The following STXBP5 variants were observed in gnomAD, a reference collection of about 807,000 sequenced individuals.
STXBP5 encodes the protein syntaxin-binding protein 5.
Under a neutral mutation model 152.4 loss-of-function variants are expected in STXBP5, and 50 were observed. The ratio of observed to expected loss-of-function variants is 0.33; its 90% CI spans 0.26 to 0.42. The LOEUF is 0.42. Ranked by LOEUF, STXBP5 falls within the 10% of genes least tolerant of loss-of-function variation. STXBP5 has a pLI of 1.00. For synonymous variants in STXBP5, 492 were observed against 494.7 expected, an observed-to-expected ratio of 0.99 and a Z score of 0.07; for missense variants, 1,167 against 1,388.6, an observed-to-expected ratio of 0.84 and a Z score of 2.54.
chr6:147,309,009 G>A (rs928018063), intron 9 of STXBP5, among the ~76,000 whole-genome samples: 3 of 152,138 alleles, frequency 2.0e-5, no homozygotes, highest in Non-Finnish European at 4.4e-5. Flanking sequence ...TTTTATACAT[G>A]TAGAAGCTAG....
At chr6:147,380,759 CATATCTG>C (rs1724556132) in intron 26 of STXBP5, among the ~76,000 whole-genome samples, 1 of 152,016 alleles carries the variant, frequency 6.6e-6, no homozygotes, top group African/African-American at 2.4e-5. Flanking sequence ...TTGCAAATCA[CATATCTG>C]ATATCAGATT....
intron 4 of STXBP5, among the ~76,000 whole-genome samples, chr6:147,241,014 C>G (rs1401804218): frequency 2.6e-5 from 4 of 152,120 alleles, no homozygotes; most frequent in South Asian, 2.1e-4. Context: ...TTAGGTCTGT[C>G]TCTCTATTTC....
chr6:147,339,233 A>C lies in STXBP5; in HGVS notation c.2201A>C (p.Glu734Ala), dbSNP rs747871908. The change falls in exon 20 of 28, where the codon GAA (glutamate) becomes GCA (alanine). Residue 734 changes from glutamate (E) to alanine (A), a missense_variant. Physicochemically the swap from Glu to Ala is moderately radical, Grantham distance 107 (BLOSUM62 -1). This residue lies in a region of STXBP5 where 833 missense variants were observed against 986.3 expected (regional missense o/e 0.84). Transcript: ENST00000321680. ...GAACAAAAAATGAATAATTTTATAG[A>C]AAAGGGTATAGTATCTTGATTTTAA... ...DDEQKMNNFI[E>A]KVKTKSRKFS... The C allele has an allele frequency of 4.6e-6, 7 of 1,536,250 alleles. No individual in the cohort carries two copies. Among genetic ancestry groups the C allele is most frequent in the Non-Finnish European group, 6.1e-6 (7 of 1,140,808 alleles).
chr6:147,331,825 A>AAC (rs1394814402), intron 18 of STXBP5, among the ~76,000 whole-genome samples: 1 of 151,396 alleles, frequency 6.6e-6, no homozygotes, highest in African/African-American at 2.4e-5. Flanking sequence ...AAAAAAAAAA[A>AAC]AACACACAAA....
At chr6:147,382,634 C>T (rs1419696911) in intron 26 of STXBP5, 144 bp from the exon 27 acceptor site, 15 of 779,160 alleles carry the variant, frequency 1.9e-5, no homozygotes, top group South Asian at 1.5e-4. Flanking sequence ...CAAAAGAAAG[C>T]ATGTATTAAG....
intron 22 of STXBP5, 22 bp from the exon 23 acceptor site, chr6:147,359,062 A>G: frequency 1.3e-5 from 21 of 1,603,862 alleles, no homozygotes; most frequent in Non-Finnish European, 1.8e-5. Flanking sequence ...GAGCAATCTC[A>G]CAACATTTTT....
In STXBP5 at chr6:147,372,406, CCTTTT is replaced by C. The variant is rs1785589280; in HGVS notation, c.3082-1324_3082-1320del. The stretch of plus-strand genomic sequence containing the variant: ...ATATAAATGTTACTACCGTCCTTTT[CCTTTT>C]TTTTTTTTTTTTTTTTTTTTTTTTT... On this transcript the variant is annotated intron_variant, in intron 25 of 27. Coordinates refer to ENST00000321680, the MANE Select transcript of STXBP5 (RefSeq NM_001127715.4). Among the ~76,000 whole-genome samples, 5 of 39,108 alleles carry C rather than the reference CCTTTT, an allele frequency of 1.3e-4. 2 individuals carry two copies. Among genetic ancestry groups the C allele is most frequent in the African/African-American group, 1.7e-4 (2 of 11,924 alleles). The allele number at this position is 39,108 out of a possible 152,430, so 25.7% of individuals were successfully genotyped here. A position where few individuals can be genotyped will look rare whatever the true frequency, so the allele number is the denominator to read the frequency against.
intron 2 of STXBP5, among the ~76,000 whole-genome samples, chr6:147,224,231 G>A (rs953073803): frequency 1.3e-5 from 2 of 152,194 alleles, no homozygotes; most frequent in African/African-American, 4.8e-5. Context: ...TTCAAGACCA[G>A]CCTGGCCAAT....
At chr6:147,230,346 C>A (rs1208977820) in intron 2 of STXBP5, among the ~76,000 whole-genome samples, 1 of 151,718 alleles carries the variant, frequency 6.6e-6, no homozygotes, top group Non-Finnish European at 1.5e-5. Flanking sequence ...TAGCTTTTTG[C>A]TTATCTTGCT....
intron 4 of STXBP5, among the ~76,000 whole-genome samples, chr6:147,249,296 T>C (rs1008768205): frequency 7.3e-5 from 11 of 151,438 alleles, no homozygotes; most frequent in African/African-American, 2.7e-4. Flanking sequence ...TACCTGAAAG[T>C]GGAATACTAC....
intron 11 of STXBP5, 30 bp downstream of exon 11, chr6:147,311,557 A>G (rs954575442): frequency 1.7e-5 from 26 of 1,549,788 alleles, no homozygotes; most frequent in Non-Finnish European, 2.2e-5. Flanking sequence ...GAGTGATTCT[A>G]TCAGTATGTG....
intron 8 of STXBP5, among the ~76,000 whole-genome samples, chr6:147,281,725 T>C (rs1196817356): frequency 6.6e-6 from 1 of 152,214 alleles, no homozygotes; most frequent in Non-Finnish European, 1.5e-5. Flanking sequence ...CTACCAGTAC[T>C]TTACGATGAG....
chr6:147,207,690 A>G (rs2115016611), intron 2 of STXBP5, among the ~76,000 whole-genome samples: 1 of 152,258 alleles, frequency 6.6e-6, no homozygotes, highest in Non-Finnish European at 1.5e-5. Flanking sequence ...TTTTCCCAAC[A>G]AGATAATTTC....
intron 8 of STXBP5, among the ~76,000 whole-genome samples, chr6:147,284,685 G>A (rs1780873008): frequency 6.6e-6 from 1 of 152,142 alleles, no homozygotes. Flanking sequence ...AGGCACAAAG[G>A]CACAAAGACA....
chr6:147,252,236 A>G (rs1302464948), intron 4 of STXBP5, among the ~76,000 whole-genome samples: 1 of 152,140 alleles, frequency 6.6e-6, no homozygotes, highest in African/African-American at 2.4e-5. Context: ...AGTTTGACGA[A>G]TTGACAGAAG....
intron 2 of STXBP5, among the ~76,000 whole-genome samples, chr6:147,220,916 T>C (rs1777426150): frequency 6.6e-6 from 1 of 152,152 alleles, no homozygotes; most frequent in African/African-American, 2.4e-5. Flanking sequence ...TACTGTTCTC[T>C]ATTTGTTGCC....
At chr6:147,321,111 A>AT (rs897528449) in intron 16 of STXBP5, among the ~76,000 whole-genome samples, 1 of 152,138 alleles carries the variant, frequency 6.6e-6, no homozygotes, top group African/African-American at 2.4e-5. Context: ...TATATTAGTG[A>AT]TTTTTTTAAA....
chr6:147,214,992 G>GT (rs1247020667), intron 2 of STXBP5, among the ~76,000 whole-genome samples: 14 of 152,290 alleles, frequency 9.2e-5, no homozygotes, highest in Non-Finnish European at 2.1e-4. Flanking sequence ...GACACTTAAA[G>GT]AAGATCTGAG....
intron 16 of STXBP5, 40 bp downstream of exon 16, chr6:147,316,447 C>A: frequency 2.8e-6 from 4 of 1,405,160 alleles, no homozygotes; most frequent in Non-Finnish European, 2.8e-6. Flanking sequence ...TGGATATTAT[C>A]TTTTAATTTA....
Sources: allele counts gnomAD v4.1 joint callset (sites outside exome capture counted in the v4.1 genomes callset), GRCh38; gene constraint gnomAD v4.1.1; regional missense constraint gnomAD v4.1.1; transcripts MANE v1.5; gene names NCBI Gene and HGNC (gene_info 2026-07-23, HGNC 2026-07-21).